FAM204A: variants seen among roughly 807,000 people sequenced by gnomAD.
FAM204A encodes protein FAM204A.
Under a neutral mutation model 35.4 loss-of-function variants are expected in FAM204A, and 16 were observed. The ratio of observed to expected loss-of-function variants is 0.45; its 90% CI spans 0.31 to 0.69. The LOEUF (loss-of-function observed/expected upper bound fraction) is 0.69. Ranked by LOEUF, FAM204A falls within the 30% of genes least tolerant of loss-of-function variation. The pLI, the probability that FAM204A is intolerant of heterozygous loss-of-function variation, is 0.07. For synonymous variants in FAM204A, 76 were observed against 86.9 expected, an observed-to-expected ratio of 0.88 and a Z score of 0.70; for missense variants, 240 against 265.7, an observed-to-expected ratio of 0.90 and a Z score of 0.67.
intron 2 of FAM204A, chr10:118,337,091 T>G (rs1025710715): frequency 7.8e-6 from 2 of 256,104 alleles, no homozygotes; most frequent in African/African-American, 2.3e-5. Flanking sequence ...TTTGGGAAAC[T>G]AATGGTCAAG....
rs1486978432 is a variant in FAM204A, at chr10:118,331,242, G to C, written c.453+3872C>G. Among the ~76,000 whole-genome samples the C allele has an allele frequency of 2.0e-5, 3 of 152,074 alleles. 1 individual carries two copies. Among genetic ancestry groups the C allele is most frequent in the Non-Finnish European group, 4.4e-5 (3 of 68,010 alleles). On this transcript the variant is annotated intron_variant, in intron 6 of 8. Transcript: ENST00000369183. ...CTGGACTCAAGAGTAGCCTTTATTTGACTTATCTAGAATGTCTTCCATACT... is the reference window on the plus strand; with the variant it reads ...CTGGACTCAAGAGTAGCCTTTATTTCACTTATCTAGAATGTCTTCCATACT...
At chr10:118,341,167 C>G (rs1402691994) in intron 2 of FAM204A, among the ~76,000 whole-genome samples, 1 of 152,142 alleles carries the variant, frequency 6.6e-6, no homozygotes, top group Non-Finnish European at 1.5e-5. Flanking sequence ...AATCAAAACC[C>G]AAAAGATATA....
intron 6 of FAM204A, 190 bp from the exon 7 acceptor site, chr10:118,326,433 G>A: frequency 1.8e-6 from 1 of 541,906 alleles, no homozygotes; most frequent in Admixed American, 3.8e-5. Context: ...CTTACCTGAG[G>A]TCATGTAACT....
intron 6 of FAM204A, 149 bp from the exon 7 acceptor site, chr10:118,326,392 A>G: frequency 1.5e-6 from 1 of 664,412 alleles, no homozygotes; most frequent in East Asian, 2.8e-5. Context: ...TACCATTCCC[A>G]TTAGTACCAG....
At chr10:118,311,344 A>G (rs778790637) in intron 7 of FAM204A, 31 bp from the exon 8 acceptor site, 2 of 1,502,096 alleles carry the variant, frequency 1.3e-6, no homozygotes, top group African/African-American at 2.8e-5. Flanking sequence ...AAAAAAAGTG[A>G]AAATAAATAT....
chr10:118,315,790 T>C (rs1002874412), intron 7 of FAM204A, among the ~76,000 whole-genome samples: 4 of 152,132 alleles, frequency 2.6e-5, no homozygotes, highest in African/African-American at 9.7e-5. Flanking sequence ...TTAGCCTGCA[T>C]GCAAGTATGA....
chr10:118,325,166 CAAAAAG>C (rs1359010105), intron 7 of FAM204A, among the ~76,000 whole-genome samples: 3 of 151,804 alleles, frequency 2.0e-5, no homozygotes, highest in Non-Finnish European at 4.4e-5. Flanking sequence ...AGCCTGCAGC[CAAAAAG>C]AAAAAGACAA....
chr10:118,333,880 T>A (rs1023992600), intron 6 of FAM204A, among the ~76,000 whole-genome samples: 1 of 152,132 alleles, frequency 6.6e-6, no homozygotes, highest in Middle Eastern at 3.2e-3. Context: ...AGAGATACTT[T>A]AGAAGAAATA....
chr10:118,330,136 C>T (rs1846267035), intron 6 of FAM204A, among the ~76,000 whole-genome samples: 2 of 152,106 alleles, frequency 1.3e-5, no homozygotes, highest in Non-Finnish European at 2.9e-5. Flanking sequence ...ATACAACAGC[C>T]TCATTTTCCT....
chr10:118,341,345 T>G (rs963688607), intron 2 of FAM204A, among the ~76,000 whole-genome samples: 1 of 152,246 alleles, frequency 6.6e-6, no homozygotes, highest in Non-Finnish European at 1.5e-5. Context: ...ATACTAATTA[T>G]AAGCCACAAT....
chr10:118,334,063 C>T (rs1352372136), intron 6 of FAM204A, among the ~76,000 whole-genome samples: 1 of 152,144 alleles, frequency 6.6e-6, no homozygotes, highest in African/African-American at 2.4e-5. Context: ...TCCAACATTT[C>T]CCTGTATGAA....
rs1845919080 is a variant in FAM204A at position 118,309,821 on chromosome 10, T to C, written c.*1036A>G. 6.6e-6 allele frequency: 1 copy of C among 152,200 alleles called. No individual in the cohort carries two copies. The highest frequency in any genetic ancestry group is 6.5e-5 in the Admixed American group (1 of 15,278). The allele number at this position is 152,200 out of a possible 1,614,324, so 9.4% of individuals were successfully genotyped here. A position where few individuals can be genotyped will look rare whatever the true frequency, so the allele number is the denominator to read the frequency against. On this transcript the variant is annotated 3_prime_UTR_variant, in exon 9 of 9. Coordinates refer to ENST00000369183, the MANE Select transcript of FAM204A (RefSeq NM_022063.3). ...AATACAATTACACCATTTTCTCTTC[T>C]AAGAACCATCTCATAATTTAAAGAA...
rs1339180197 is a variant in FAM204A at position 118,309,534 on chromosome 10, C to A, written c.*1323G>T. On this transcript the variant is annotated 3_prime_UTR_variant, in exon 9 of 9. Transcript: ENST00000369183. ...AAAAACCATGCTGAGTGGTTCTTTA[C>A]CTCCGCTGGGCACTGAGCAGGGAGG... 1.3e-5 allele frequency: 2 copies of A among 152,152 alleles called. No individual in the cohort carries two copies. Among genetic ancestry groups the A allele is most frequent in the Non-Finnish European group, 2.9e-5 (2 of 68,038 alleles). The allele number at this position is 152,152 out of a possible 1,614,324, so 9.4% of individuals were successfully genotyped here. A position where few individuals can be genotyped will look rare whatever the true frequency, so the allele number is the denominator to read the frequency against.
rs1463560601 is a variant in FAM204A, at chr10:118,311,002, A to G, written c.651-94T>C. ...CTTAGAGACCAAAGCAAAACAAACA[A>G]AAATTTTTCACATACTCCAATGATT... On this transcript the variant is annotated intron_variant, in intron 8 of 8. Transcript: ENST00000369183. The G allele has an allele frequency of 9.5e-6, 12 of 1,260,286 alleles. No homozygotes were observed. The Admixed American group carries it at 2.6e-4, about 28-fold the overall frequency. 78.1% of individuals were successfully genotyped at this position (1,260,286 alleles called of 1,614,324 possible).
Position 118,306,010 on chromosome 10 carries a change from T to C in FAM204A, c.*4847A>G, listed in dbSNP as rs973489513. On this transcript the variant is annotated 3_prime_UTR_variant, in exon 9 of 9. Coordinates refer to ENST00000369183, the MANE Select transcript of FAM204A (RefSeq NM_022063.3). ...ATGAAGTGATATATTGACTTCTTGA[T>C]CAAATGCCAGAACTTACAGATGAAT... is the stretch of plus-strand genomic sequence containing the variant. 2.6e-5 allele frequency: 4 copies of C among 152,236 alleles called. No individual in the cohort carries two copies. Among genetic ancestry groups the C allele is most frequent in the Non-Finnish European group, 5.9e-5 (4 of 68,038 alleles). 9.4% of individuals were successfully genotyped at this position (152,236 alleles called of 1,614,324 possible).
intron 7 of FAM204A, among the ~76,000 whole-genome samples, chr10:118,317,315 AAG>A (rs1396369324): frequency 6.6e-6 from 1 of 152,130 alleles, no homozygotes; most frequent in Non-Finnish European, 1.5e-5. Flanking sequence ...TTTTAATTAA[AAG>A]AGAAAACATG....
chr10:118,330,880 C>T (rs1846277341), intron 6 of FAM204A, among the ~76,000 whole-genome samples: 1 of 152,272 alleles, frequency 6.6e-6, no homozygotes, highest in East Asian at 1.9e-4. Flanking sequence ...AGTTTCTAAA[C>T]CTCTGTGGGT....
rs1479861405 is a variant in FAM204A at position 118,301,086 on chromosome 10, T to C, written c.*9771A>G. 6.6e-6 allele frequency: 1 copy of C among 152,238 alleles called. No individual in the cohort carries two copies. The highest frequency in any genetic ancestry group is 6.5e-5 in the Admixed American group (1 of 15,288). 9.4% of individuals were successfully genotyped at this position (152,238 alleles called of 1,614,324 possible). A position where few individuals can be genotyped will look rare whatever the true frequency, so the allele number is the denominator to read the frequency against. On this transcript the variant is annotated 3_prime_UTR_variant, in exon 9 of 9. Coordinates refer to ENST00000369183, the MANE Select transcript of FAM204A (RefSeq NM_022063.3). ...CCAAAGCTTTGCTTTCCTGCTGCTG[T>C]ATGTCTTTTGCGTCATCTTCGCATA...
chr10:118,334,317 C>T (rs1187572599), intron 6 of FAM204A, among the ~76,000 whole-genome samples: 1 of 152,120 alleles, frequency 6.6e-6, no homozygotes, highest in Non-Finnish European at 1.5e-5. Flanking sequence ...GAATGATTCT[C>T]TCCCCTTCCA....
Sources: gnomAD v4.1 joint callset for allele counts (sites outside exome capture counted in the v4.1 genomes callset) on GRCh38, gnomAD v4.1.1 for gene constraint, MANE v1.5 for transcripts, NCBI Gene and HGNC (gene_info 2026-07-23, HGNC 2026-07-21) for gene names.